Variants in TRAF3IP1 observed in about 807,000 individuals in gnomAD.
TRAF3IP1 encodes intraflagellar transport 54, also known as TRAF3-interacting protein 1.
A neutral mutation model predicts 89.9 loss-of-function variants in TRAF3IP1; 53 were observed. The observed-to-expected ratio is 0.59, with a 90% confidence interval of 0.47 to 0.74. TRAF3IP1 has a LOEUF of 0.74. Among genes scored for constraint, TRAF3IP1 ranks in the 30% least tolerant of loss-of-function variants. The pLI is 0.00. For synonymous variants in TRAF3IP1, 311 were observed against 322.1 expected, an observed-to-expected ratio of 0.97 and a Z score of 0.37; for missense variants, 806 against 866.1, an observed-to-expected ratio of 0.93 and a Z score of 0.87.
intron 14 of TRAF3IP1, 77 bp from the exon 15 acceptor site, chr2:238,355,927 C>A: frequency 9.7e-7 from 1 of 1,029,134 alleles, no homozygotes; most frequent in Non-Finnish European, 1.5e-6. Flanking sequence ...GTGTTTTTCC[C>A]ACCATCCCAC....
At chr2:238,380,288 C>CT (rs1263818767) in intron 15 of TRAF3IP1, among the ~76,000 whole-genome samples, 4 of 152,140 alleles carry the variant, frequency 2.6e-5, no homozygotes, top group Non-Finnish European at 4.4e-5. Context: ...TCTCTGAGCC[C>CT]TGCAGGAGCC....
chr2:238,337,404 TGGAGCTGCTGGTCCC>T (rs1163547485), intron 7 of TRAF3IP1, among the ~76,000 whole-genome samples: 2 of 152,166 alleles, frequency 1.3e-5, no homozygotes, highest in South Asian at 4.2e-4. Flanking sequence ...AAGCAGGGCC[TGGAGCTGCTGGTCCC>T]GGAGCTGCTG....
Position 238,328,748 on chromosome 2 carries a change from G to C in TRAF3IP1, c.417G>C (p.Arg139=). 1 of 1,613,904 alleles carries C rather than the reference G, an allele frequency of 6.2e-7. No homozygotes were observed. ...LAGEKGEVKG[R]ASLTSRSQEL... ...GAGAGAAGGGAGAAGTGAAAGGCCG[G>C]GCCTCACTGACCTCAAGATCTCAGG... The change falls in exon 4 of 17, where the codon CGG becomes CGC. Residue 139 remains arginine (R), a synonymous_variant. Transcript: ENST00000373327.
intron 15 of TRAF3IP1, among the ~76,000 whole-genome samples, chr2:238,396,112 A>G (rs1243558469): frequency 6.6e-6 from 1 of 152,150 alleles, no homozygotes; most frequent in Non-Finnish European, 1.5e-5. Flanking sequence ...CACAATAGCA[A>G]AGACTTGGAA....
Position 238,325,336 on chromosome 2 carries a change from C to T in TRAF3IP1, c.154C>T (p.Leu52Phe). 1.2e-6 allele frequency: 2 copies of T among 1,614,018 alleles called. No individual in the cohort carries two copies. The highest frequency in any genetic ancestry group is 8.5e-7 in the Non-Finnish European group (1 of 1,179,998). ...TAGAATGACTGGTTTCATGAAGGGC[C>T]TCTACACAGACGCCGAGATGAAGTC... ...VIRMTGFMKGLYTDAEMKSDN... is the reference protein window; with the variant it reads ...VIRMTGFMKGFYTDAEMKSDN... Residue 52 changes from leucine (L) to phenylalanine (F), a missense_variant, in exon 2 of 17, where the codon CTC becomes TTC. Transcript: ENST00000373327.
intron 8 of TRAF3IP1, among the ~76,000 whole-genome samples, chr2:238,340,850 G>T (rs62196666): frequency 0.03 from 936 of 31,302 alleles, 11 homozygotes; most frequent in African/African-American, 0.05. Flanking sequence ...TATATATAGA[G>T]AGAGAGAGAC....
At chr2:238,392,983 T>C (rs1029481201) in intron 15 of TRAF3IP1, among the ~76,000 whole-genome samples, 8 of 152,274 alleles carry the variant, frequency 5.3e-5, no homozygotes, top group African/African-American at 1.9e-4. Flanking sequence ...AGTTTGTGGC[T>C]ACTTTGATTA....
In TRAF3IP1 at chr2:238,379,968, T is replaced by A. The variant is rs1235691349; in HGVS notation, c.1690-17491T>A. 6.6e-6 allele frequency among the ~76,000 whole-genome samples: 1 copy of A among 152,260 alleles called. No homozygotes were observed. The highest frequency in any genetic ancestry group is 2.4e-5 in the African/African-American group (1 of 41,474). ...CAGCATTGATGGAGAAAGACAATTT[T>A]AAAGTCCATTTTAAAACTTAGATTC... is the stretch of plus-strand genomic sequence containing the variant. On this transcript the variant is annotated intron_variant, in intron 15 of 16. Coordinates refer to ENST00000373327, the MANE Select transcript of TRAF3IP1 (RefSeq NM_015650.4). This position sits in a 1 kb window ranked among gnomAD's most constrained non-coding sequence, Gnocchi z 4.0.
rs1478651310 is a variant in TRAF3IP1 at position 238,379,465 on chromosome 2, C to T, written c.1690-17994C>T. On this transcript the variant is annotated intron_variant, in intron 15 of 16. Coordinates refer to ENST00000373327, the MANE Select transcript of TRAF3IP1 (RefSeq NM_015650.4). This position sits in a 1 kb window ranked among gnomAD's most constrained non-coding sequence, Gnocchi z 4.0. The stretch of plus-strand genomic sequence containing the variant: ...GCCTTGGCAGCCACAGACACCTGCT[C>T]GTGTGAAGGCGGCAGCGTGGTGCCA... Among the ~76,000 whole-genome samples the T allele has an allele frequency of 1.3e-5, 2 of 152,234 alleles. No individual in the cohort carries two copies. The highest frequency in any genetic ancestry group is 1.9e-4 in the East Asian group (1 of 5,204).
chr2:238,361,635 T>G (rs1287622547), intron 15 of TRAF3IP1, among the ~76,000 whole-genome samples: 1 of 152,146 alleles, frequency 6.6e-6, no homozygotes, highest in Non-Finnish European at 1.5e-5. Flanking sequence ...CGGGCTCTGC[T>G]GTGTCTCTCC....
intron 15 of TRAF3IP1, among the ~76,000 whole-genome samples, chr2:238,371,734 A>G (rs898934695): frequency 5.3e-5 from 8 of 152,260 alleles, no homozygotes; most frequent in African/African-American, 1.9e-4. Context: ...GAAAAGAAGA[A>G]TATAAACTAT....
At chr2:238,378,512 GC>G (rs768271902) in intron 15 of TRAF3IP1, among the ~76,000 whole-genome samples, 2 of 152,040 alleles carry the variant, frequency 1.3e-5, no homozygotes, top group Non-Finnish European at 2.9e-5. Context: ...CCTTTGCCTG[GC>G]CATCATCTAT....
chr2:238,376,504 C>T (rs776025150), intron 15 of TRAF3IP1, among the ~76,000 whole-genome samples: 34 of 152,218 alleles, frequency 2.2e-4, no homozygotes, highest in Non-Finnish European at 4.3e-4. Context: ...CTTCCATCTA[C>T]ATATTATAAC....
chr2:238,321,423 A>G (rs889816331), intron 1 of TRAF3IP1, among the ~76,000 whole-genome samples: 1 of 152,160 alleles, frequency 6.6e-6, no homozygotes, highest in African/African-American at 2.4e-5. Flanking sequence ...TGGGTGCTTA[A>G]TAAATGCCTG....
chr2:238,321,077 C>T lies in TRAF3IP1; in HGVS notation c.123+292C>T, dbSNP rs564725304. Among the ~76,000 whole-genome samples, 4 of 152,312 alleles carry T rather than the reference C, an allele frequency of 2.6e-5. No homozygotes were observed. In the South Asian group the frequency reaches 6.2e-4, roughly 24 times the overall value. On this transcript the variant is annotated intron_variant, in intron 1 of 16. Transcript: ENST00000373327. ...GGGCGAGAGTTCTGTGCGGCCCCTG[C>T]CTGGGAGCCCGGCCTGTAGGCCCAA...
At chr2:238,393,256 T>C (rs471497) in intron 15 of TRAF3IP1, among the ~76,000 whole-genome samples, 39,172 of 152,170 alleles carry the variant, frequency 0.26, 6,103 homozygotes, top group Middle Eastern at 0.45. Context: ...TGATGGCTCA[T>C]TGTGGTTTGA....
chr2:238,397,578 C>A lies in TRAF3IP1; in HGVS notation c.1809C>A (p.Ile603=), dbSNP rs1223664117. 1 of 1,612,986 alleles carries A rather than the reference C, an allele frequency of 6.2e-7. No individual in the cohort carries two copies. The highest frequency in any genetic ancestry group is 2.2e-5 in the East Asian group (1 of 44,884). Reference sequence around the variant, plus strand: ...AGAGCGCACTTCCCCTGGGGAAGATCATGGACTACATCCAGGAAGACGTGG... The same window carrying A: ...AGAGCGCACTTCCCCTGGGGAAGATAATGGACTACATCCAGGAAGACGTGG... The part of the protein sequence containing the change: ...LCKSALPLGK[I]MDYIQEDVDA... The change falls in exon 16 of 17, where the codon ATC becomes ATA. Residue 603 remains isoleucine (I), a synonymous_variant. Coordinates refer to ENST00000373327, the MANE Select transcript of TRAF3IP1 (RefSeq NM_015650.4).
At chr2:238,393,792 A>C (rs1701095261) in intron 15 of TRAF3IP1, among the ~76,000 whole-genome samples, 1 of 152,194 alleles carries the variant, frequency 6.6e-6, no homozygotes, top group Non-Finnish European at 1.5e-5. Flanking sequence ...TTTGTCAAAG[A>C]TTGCTTGGGC....
chr2:238,393,720 G>A (rs1294802166), intron 15 of TRAF3IP1, among the ~76,000 whole-genome samples: 1 of 152,190 alleles, frequency 6.6e-6, no homozygotes, highest in Non-Finnish European at 1.5e-5. Context: ...GCTTATGGAT[G>A]TCCACTTAAC....
Sources: gnomAD v4.1 joint callset for allele counts (sites outside exome capture counted in the v4.1 genomes callset) on GRCh38, gnomAD v4.1.1 for gene constraint, Gnocchi (gnomAD v3.1) non-coding constraint, MANE v1.5 for transcripts, NCBI Gene and HGNC (gene_info 2026-07-23, HGNC 2026-07-21) for gene names.